The following TSPAN14 variants were observed in gnomAD, a reference collection of about 807,000 sequenced individuals.
TSPAN14 encodes the protein tetraspanin-14.
TSPAN14 carries 16 observed loss-of-function variants against 36.6 expected under a neutral mutation model. The observed-to-expected ratio is 0.44, with a 90% CI of 0.30 to 0.66. The LOEUF (loss-of-function observed/expected upper bound fraction) is 0.66, where lower values mean the gene tolerates loss of function less well. Among genes scored for constraint, TSPAN14 ranks in the 30% least tolerant of loss-of-function variants. The pLI is 0.12. For synonymous variants in TSPAN14, 139 were observed against 143.8 expected, an observed-to-expected ratio of 0.97 and a Z score of 0.24; for missense variants, 231 against 355.1, an observed-to-expected ratio of 0.65 and a Z score of 2.81.
intron 1 of TSPAN14, among the ~76,000 whole-genome samples, chr10:80,471,809 T>C (rs1846568510): frequency 6.6e-6 from 1 of 152,202 alleles, no homozygotes; most frequent in Non-Finnish European, 1.5e-5. Context: ...AGGCCCTGCC[T>C]CACCTAGGTG....
chr10:80,473,937 C>G (rs534481487), intron 1 of TSPAN14, among the ~76,000 whole-genome samples: 1 of 152,026 alleles, frequency 6.6e-6, no homozygotes, highest in Non-Finnish European at 1.5e-5. Context: ...CTGCCCTGGC[C>G]TGCCTTAGTG....
At chr10:80,479,944 T>A (rs1847156553) in intron 1 of TSPAN14, among the ~76,000 whole-genome samples, 19 of 143,764 alleles carry the variant, frequency 1.3e-4, no homozygotes, top group African/African-American at 1.6e-4. Context: ...GTTCTTCCAT[T>A]TGTTTGTATC....
chr10:80,518,147 A>G (rs1433563355), exon 9 of TSPAN14: 4 of 699,412 alleles, frequency 5.7e-6, no homozygotes, highest in Non-Finnish European at 9.7e-6. Flanking sequence ...CTGAAGACCA[A>G]GGGTCCCCCT....
chr10:80,511,104 T>C (rs1168411096), intron 5 of TSPAN14, among the ~76,000 whole-genome samples: 1 of 152,196 alleles, frequency 6.6e-6, no homozygotes, highest in African/African-American at 2.4e-5. Flanking sequence ...CCATGTCAGC[T>C]GTAAGGGCAA....
chr10:80,461,427 T>A (rs1212146587), intron 1 of TSPAN14, among the ~76,000 whole-genome samples: 1 of 152,178 alleles, frequency 6.6e-6, no homozygotes, highest in Admixed American at 6.5e-5. Flanking sequence ...TCATTGTGTT[T>A]TGTAACTCTA....
chr10:80,464,162 C>T (rs1462956396), intron 1 of TSPAN14, among the ~76,000 whole-genome samples: 3 of 152,142 alleles, frequency 2.0e-5, no homozygotes, highest in Non-Finnish European at 4.4e-5. Context: ...CTGGCGTCAG[C>T]TTTTAGAGGA....
exon 9 of TSPAN14, chr10:80,520,924 C>T (rs1841238332): frequency 2.1e-6 from 1 of 465,616 alleles, no homozygotes; most frequent in Non-Finnish European, 4.4e-6. Context: ...GCTTAGGACT[C>T]TGCTGCAGCT....
chr10:80,500,417 C>T (rs1261041752), intron 2 of TSPAN14, among the ~76,000 whole-genome samples: 2 of 148,330 alleles, frequency 1.3e-5, no homozygotes, highest in Admixed American at 6.8e-5. Flanking sequence ...GCAACCTCCA[C>T]CTCCCAGGTT....
chr10:80,501,520 C>T lies in TSPAN14; in HGVS notation c.82-3208C>T, dbSNP rs1483589555. The stretch of plus-strand genomic sequence containing the variant: ...GTGCAGTGTGGAGGAGAGAGGGGAG[C>T]TCCAGCAGTGGTTTTGTTGAGTGTC... On this transcript the variant is annotated intron_variant, in intron 2 of 8. Transcript: ENST00000429989. Among the ~76,000 whole-genome samples, 3 of 152,140 alleles carry T rather than the reference C, an allele frequency of 2.0e-5. No individual in the cohort carries two copies. In the East Asian group the frequency reaches 5.8e-4, roughly 29 times the overall value.
At chr10:80,512,332 ACTC>A in intron 6 of TSPAN14, 63 bp downstream of exon 6, 1 of 1,596,388 alleles carries the variant, frequency 6.3e-7, no homozygotes, top group South Asian at 1.1e-5. Context: ...AGCTTTCCTG[ACTC>A]CTCCAGTGCT....
At chr10:80,517,795 G>C (rs940777263) in intron 8 of TSPAN14, 110 bp from the exon 9 acceptor site, 27 of 1,031,804 alleles carry the variant, frequency 2.6e-5, no homozygotes, top group Non-Finnish European at 3.5e-5. Flanking sequence ...AGTCGCAGCT[G>C]GGGGGTGAGG....
At chr10:80,485,197 G>A (rs899036725) in intron 1 of TSPAN14, among the ~76,000 whole-genome samples, 2 of 122,160 alleles carry the variant, frequency 1.6e-5, no homozygotes, top group African/African-American at 2.6e-5. Flanking sequence ...TTAGTCATGC[G>A]TGCGTGTGTG....
chr10:80,515,894 C>T (rs544726871), intron 7 of TSPAN14: 8 of 317,248 alleles, frequency 2.5e-5, no homozygotes, highest in Non-Finnish European at 4.7e-5. Context: ...CCTTCAAGCC[C>T]CTTCTCTTTC....
chr10:80,465,351 G>A (rs753829830), intron 1 of TSPAN14, among the ~76,000 whole-genome samples: 15 of 152,166 alleles, frequency 9.9e-5, no homozygotes, highest in Non-Finnish European at 1.8e-4. Flanking sequence ...AGCTCAGCCT[G>A]CAGCCACCCC....
chr10:80,454,847 G>T (rs1845661198), intron 1 of TSPAN14, among the ~76,000 whole-genome samples: 1 of 152,228 alleles, frequency 6.6e-6, no homozygotes, highest in African/African-American at 2.4e-5. Flanking sequence ...CGGGTCCGGG[G>T]TGGGGGTGGG....
exon 9 of TSPAN14, chr10:80,519,054 A>G (rs944827987): frequency 5.2e-5 from 8 of 152,602 alleles, no homozygotes; most frequent in African/African-American, 1.7e-4. Context: ...GACCCTCCCC[A>G]CTGCAAGCCC....
intron 2 of TSPAN14, among the ~76,000 whole-genome samples, chr10:80,491,624 A>G (rs1032653132): frequency 6.6e-6 from 1 of 152,166 alleles, no homozygotes; most frequent in African/African-American, 2.4e-5. Flanking sequence ...GAGCTCTACT[A>G]ACTTGCCCAG....
intron 4 of TSPAN14, among the ~76,000 whole-genome samples, chr10:80,507,759 A>T (rs1240216154): frequency 6.6e-6 from 1 of 152,232 alleles, no homozygotes; most frequent in Non-Finnish European, 1.5e-5. Flanking sequence ...TCCTCCAAGG[A>T]TGTGTGAGTC....
chr10:80,511,718 C>A (rs1395616460), intron 5 of TSPAN14, among the ~76,000 whole-genome samples: 1 of 26,126 alleles, frequency 3.8e-5, no homozygotes, highest in East Asian at 7.2e-4. Flanking sequence ...GGTCCTCTCT[C>A]TCTCTCTCTC....
Sources: allele counts gnomAD v4.1 joint callset (sites outside exome capture counted in the v4.1 genomes callset), GRCh38; gene constraint gnomAD v4.1.1; transcripts MANE v1.5; gene names NCBI Gene and HGNC (gene_info 2026-07-23, HGNC 2026-07-21).